Variants in RASGRF1 observed in about 807,000 individuals in gnomAD.
The protein encoded by RASGRF1 is ras-specific guanine nucleotide-releasing factor 1.
RASGRF1 carries 40 observed loss-of-function variants against 138.7 expected under a neutral mutation model. The observed-to-expected ratio is 0.29, with a 90% CI of 0.22 to 0.38. The LOEUF is 0.38. Ranked by LOEUF, RASGRF1 falls within the 10% of genes least tolerant of loss-of-function variation. RASGRF1 has a pLI of 1.00. For synonymous variants in RASGRF1, 614 were observed against 663.2 expected, an observed-to-expected ratio of 0.93 and a Z score of 1.14; for missense variants, 1,108 against 1,650.4, an observed-to-expected ratio of 0.67 and a Z score of 5.69.
chr15:79,062,597 C>T (rs1040496233), intron 2 of RASGRF1, among the ~76,000 whole-genome samples: 2 of 152,012 alleles, frequency 1.3e-5, no homozygotes, highest in Admixed American at 6.6e-5. Context: ...TGCAATGGCG[C>T]GATCTTGGCT....
intron 20 of RASGRF1, 66 bp from the exon 21 acceptor site, chr15:78,991,860 G>C (rs1382279150): frequency 1.3e-5 from 17 of 1,346,616 alleles, no homozygotes; most frequent in Non-Finnish European, 1.8e-5. Flanking sequence ...TGGATTCCCA[G>C]CTGCCTCTGT....
At chr15:79,082,703 C>T (rs1252144306) in intron 1 of RASGRF1, among the ~76,000 whole-genome samples, 3 of 152,162 alleles carry the variant, frequency 2.0e-5, no homozygotes, top group African/African-American at 7.2e-5. Flanking sequence ...AACAGGGCTT[C>T]GTGATGATTT....
chr15:79,017,150 C>G (rs1245812931), intron 12 of RASGRF1, among the ~76,000 whole-genome samples: 2 of 152,238 alleles, frequency 1.3e-5, no homozygotes, highest in Non-Finnish European at 2.9e-5. Context: ...CATTCTGGGT[C>G]TGCTCACTGG....
intron 20 of RASGRF1, among the ~76,000 whole-genome samples, chr15:78,993,393 G>A (rs1376290404): frequency 6.6e-6 from 1 of 150,980 alleles, no homozygotes; most frequent in African/African-American, 2.4e-5. Context: ...GTGGGTGTGT[G>A]TGTGTGTTTG....
At chr15:79,079,934 G>A (rs867971340) in intron 1 of RASGRF1, among the ~76,000 whole-genome samples, 52 of 152,328 alleles carry the variant, frequency 3.4e-4, no homozygotes, top group Middle Eastern at 6.8e-3. Context: ...AAGCCTCCTG[G>A]AATGTGGTCT....
rs769448056 is a variant in RASGRF1, at chr15:78,980,695, T to C, written c.3419A>G (p.Lys1140Arg). ...CTTTTGGAGCTTATCAATCAAAGCTTTAGTCTAGAAGGAAGCAGAAGCATT... is the reference window on the plus strand; with the variant it reads ...CTTTTGGAGCTTATCAATCAAAGCTCTAGTCTAGAAGGAAGCAGAAGCATT... ...KTWLKVSKQT[K>R]ALIDKLQKLV... Residue 1140 changes from lysine to arginine, a missense_variant, in exon 24 of 27, where the codon AAA becomes AGA. Lys to Arg is a conservative substitution (Grantham distance 26). Around this residue, in one of 3 missense-constraint regions of RASGRF1, gnomAD observed 686 missense variants for 976.7 expected, o/e 0.70. Transcript: ENST00000558480. The C allele has an allele frequency of 6.2e-7, 1 of 1,601,484 alleles. No individual in the cohort carries two copies. Among genetic ancestry groups the C allele is most frequent in the South Asian group, 1.1e-5 (1 of 90,234 alleles).
chr15:79,090,046 G>A (rs868852189), intron 1 of RASGRF1, among the ~76,000 whole-genome samples, 177 bp downstream of exon 1: 4 of 152,172 alleles, frequency 2.6e-5, no homozygotes, highest in African/African-American at 9.6e-5. Context: ...CCCTCTGCCC[G>A]CCGCAGTCAC....
Position 79,090,397 on chromosome 15 carries a change from C to G in RASGRF1, c.102G>C (p.Ser34=), listed in dbSNP as rs752112288. ...TRKGYLSKRS[S]DNTKWQTKWF... ...ACTTGGTTTGCCATTTTGTGTTGTCCGAACTCCGCTTGCTCAGGTAGCCTT... is the reference window on the plus strand; with the variant it reads ...ACTTGGTTTGCCATTTTGTGTTGTCGGAACTCCGCTTGCTCAGGTAGCCTT... Residue 34 remains serine (S), a synonymous_variant, in exon 1 of 27, where the codon TCG becomes TCC. Transcript: ENST00000558480. 1 of 1,613,582 alleles carries G rather than the reference C, an allele frequency of 6.2e-7. No homozygotes were observed. Among genetic ancestry groups the G allele is most frequent in the Non-Finnish European group, 8.5e-7 (1 of 1,179,980 alleles).
At position 79,015,536 on chromosome 15, in the gene RASGRF1, T is replaced by C. The variant is rs73475381; in HGVS notation, c.1744-127A>G. ...ACAGGGTCCTCAAGCTTCAAGGGCA[T>C]TGTCCTGGCAAAGGCAGGGTCAGCG... On this transcript the variant is annotated intron_variant, in intron 12 of 26. Transcript: ENST00000558480. The C allele has an allele frequency of 3.0e-4, 253 of 831,478 alleles. 1 individual carries two copies. The African/African-American group carries it at 3.6e-3, about 12-fold the overall frequency. The allele number at this position is 831,478 out of a possible 1,614,324, so 51.5% of individuals were successfully genotyped here.
intron 26 of RASGRF1, among the ~76,000 whole-genome samples, chr15:78,965,323 C>T (rs942518316): frequency 1.3e-5 from 2 of 152,136 alleles, no homozygotes; most frequent in Admixed American, 1.3e-4. Flanking sequence ...GTTCTTGCCC[C>T]CAAAGCAGGG....
At chr15:79,008,936 C>A (rs1237301687) in intron 13 of RASGRF1, among the ~76,000 whole-genome samples, 1 of 152,222 alleles carries the variant, frequency 6.6e-6, no homozygotes, top group South Asian at 2.1e-4. Flanking sequence ...TCTCTATTCT[C>A]CCTACAAGAT....
intron 22 of RASGRF1, among the ~76,000 whole-genome samples, chr15:78,986,636 C>A (rs535847840): frequency 6.6e-6 from 1 of 151,844 alleles, no homozygotes; most frequent in African/African-American, 2.4e-5. Context: ...TGTGAGCCAC[C>A]GCGCCCGGCC....
At chr15:79,023,222 G>A (rs1250517094) in intron 10 of RASGRF1, among the ~76,000 whole-genome samples, 1 of 151,792 alleles carries the variant, frequency 6.6e-6, no homozygotes, top group African/African-American at 2.4e-5. Flanking sequence ...GCCACAGTGT[G>A]TTCAGGCTTC....
intron 14 of RASGRF1, chr15:79,005,492 A>G: frequency 1.0e-6 from 1 of 985,294 alleles, no homozygotes; most frequent in Non-Finnish European, 1.2e-6. Flanking sequence ...ATAATCACCT[A>G]CCATTCCTGG....
Position 78,973,514 on chromosome 15 carries a change from A to G in RASGRF1, c.3495-94T>C. The G allele has an allele frequency of 1.1e-6, 1 of 917,110 alleles. No homozygotes were observed. Among genetic ancestry groups the G allele is most frequent in the South Asian group, 1.5e-5 (1 of 65,570 alleles). 56.8% of individuals were successfully genotyped at this position (917,110 alleles called of 1,614,324 possible). On this transcript the variant is annotated intron_variant, in intron 24 of 26. Coordinates refer to ENST00000558480, the MANE Select transcript of RASGRF1 (RefSeq NM_001145648.3). This position sits in a 1 kb window ranked among gnomAD's most constrained non-coding sequence, Gnocchi z 4.9. The stretch of plus-strand genomic sequence containing the variant: ...TCCCGCATGCACCTTTTGCTTTGCT[A>G]GAGGCAAAGGGACTTGCAGTCACCA...
At chr15:79,048,828 G>A (rs569454251) in intron 4 of RASGRF1, among the ~76,000 whole-genome samples, 27 of 152,300 alleles carry the variant, frequency 1.8e-4, no homozygotes, top group African/African-American at 5.1e-4. Flanking sequence ...ATAGGATTCC[G>A]TGGTTTCACC....
At chr15:79,056,488 G>T (rs1486614258) in intron 3 of RASGRF1, among the ~76,000 whole-genome samples, 1 of 152,160 alleles carries the variant, frequency 6.6e-6, no homozygotes, top group Non-Finnish European at 1.5e-5. Context: ...AGAGTAGAGT[G>T]GAAAGACTGG....
intron 3 of RASGRF1, among the ~76,000 whole-genome samples, chr15:79,057,568 G>A: frequency 6.6e-6 from 1 of 152,230 alleles, no homozygotes; most frequent in East Asian, 1.9e-4. Flanking sequence ...AGGTGATAAG[G>A]GGAAGAGATG....
In RASGRF1 at chr15:78,976,561, C is replaced by T. The variant is rs888443500; in HGVS notation, c.3495-3141G>A. On this transcript the variant is annotated intron_variant, in intron 24 of 26. Transcript: ENST00000558480. Reference sequence around the variant, plus strand: ...GGGGACAAGAGAACACTCAATCAAACACACACACACACACACACACACACC... The same window carrying T: ...GGGGACAAGAGAACACTCAATCAAATACACACACACACACACACACACACC... Among the ~76,000 whole-genome samples the T allele has an allele frequency of 2.0e-5, 3 of 148,636 alleles. No homozygotes were observed. The South Asian group carries it at 6.4e-4, about 32-fold the overall frequency.
Sources: allele counts gnomAD v4.1 joint callset (sites outside exome capture counted in the v4.1 genomes callset), GRCh38; gene constraint gnomAD v4.1.1; regional missense constraint gnomAD v4.1.1; non-coding constraint Gnocchi (gnomAD v3.1); transcripts MANE v1.5; gene names NCBI Gene and HGNC (gene_info 2026-07-23, HGNC 2026-07-21).